NOL11: variants seen among roughly 807,000 people sequenced by gnomAD.
NOL11 encodes nucleolar protein 11.
A neutral mutation model predicts 93.0 loss-of-function variants in NOL11; 42 were observed. The ratio of observed to expected loss-of-function variants is 0.45; its 90% CI spans 0.35 to 0.58. The LOEUF is 0.58. Among genes scored for constraint, NOL11 ranks in the 20% least tolerant of loss-of-function variants. NOL11 has a pLI of 0.00. For synonymous variants in NOL11, 296 were observed against 293.7 expected (o/e 1.01, Z -0.08); for missense variants, 775 against 841.8 (o/e 0.92, Z 0.98).
intron 7 of NOL11, among the ~76,000 whole-genome samples, chr17:67,727,437 A>G (rs1300017824): frequency 6.6e-6 from 1 of 151,948 alleles, no homozygotes; most frequent in Non-Finnish European, 1.5e-5. Flanking sequence ...CTAGGCAGGC[A>G]GATCACCTGA....
At chr17:67,727,598 A>G (rs974182397) in intron 7 of NOL11, among the ~76,000 whole-genome samples, 1 of 152,026 alleles carries the variant, frequency 6.6e-6, no homozygotes, top group Non-Finnish European at 1.5e-5. Context: ...TGGAGGTCGC[A>G]GTGAGCCAAG....
chr17:67,730,517 C>T (rs1237328682), intron 7 of NOL11, among the ~76,000 whole-genome samples: 6 of 152,206 alleles, frequency 3.9e-5, no homozygotes, highest in Non-Finnish European at 8.8e-5. Flanking sequence ...GCCTCAGCCT[C>T]CCGAAGTGCT....
At chr17:67,732,212 G>A (rs1448846430) in intron 7 of NOL11, among the ~76,000 whole-genome samples, 1 of 152,132 alleles carries the variant, frequency 6.6e-6, no homozygotes, top group African/African-American at 2.4e-5. Flanking sequence ...ACCGGGCGCA[G>A]TAATCACACC....
chr17:67,730,206 T>C (rs1241579844), intron 7 of NOL11, among the ~76,000 whole-genome samples: 1 of 152,246 alleles, frequency 6.6e-6, no homozygotes, highest in African/African-American at 2.4e-5. Context: ...AATATCACTA[T>C]GAACATTCGT....
In NOL11 at chr17:67,736,723, G is replaced by C. The variant is rs1221801802; in HGVS notation, c.1112G>C (p.Gly371Ala). The change falls in exon 10 of 18, where the codon GGG (glycine) becomes GCG (alanine). Residue 371 changes from glycine (G) to alanine (A), a missense_variant. By Grantham distance (60) the Gly-to-Ala change is moderately conservative. Coordinates refer to ENST00000253247, the MANE Select transcript of NOL11 (RefSeq NM_015462.5). ...NWETPQGCGL[G>A]FQNSEQSRRI... ...GAGACACCTCAAGGATGTGGACTTGGGTTCCAGAACTCAGAGCAGTCAAGA... is the reference window on the plus strand; with the variant it reads ...GAGACACCTCAAGGATGTGGACTTGCGTTCCAGAACTCAGAGCAGTCAAGA... The C allele has an allele frequency of 1.9e-6, 3 of 1,613,164 alleles. No homozygotes were observed. Among genetic ancestry groups the C allele is most frequent in the Non-Finnish European group, 2.5e-6 (3 of 1,179,534 alleles).
rs2043226008 is a variant in NOL11 at position 67,722,594 on chromosome 17, T to C, written c.476T>C (p.Phe159Ser). The change falls in exon 5 of 18, where the codon TTC (phenylalanine) becomes TCC (serine). Residue 159 changes from phenylalanine to serine, a missense_variant. By Grantham distance (155) the Phe-to-Ser change is radical. Around this residue, in one of 2 missense-constraint regions of NOL11, gnomAD observed 359 missense variants for 316.5 expected, o/e 1.13. Coordinates refer to ENST00000253247, the MANE Select transcript of NOL11 (RefSeq NM_015462.5). ...TTTTTTTGTAGATGGACAAAGTTTT[T>C]CGTAGTATTCAGACATCCTGTTTTA... ...DEEVIKWTKF[F>S]VVFRHPVLIF... 6.3e-7 allele frequency: 1 copy of C among 1,576,278 alleles called. No individual in the cohort carries two copies. The highest frequency in any genetic ancestry group is 1.2e-5 in the South Asian group (1 of 82,082).
intron 1 of NOL11, 156 bp from the exon 2 acceptor site, chr17:67,719,518 C>T: frequency 2.1e-6 from 1 of 478,710 alleles, no homozygotes; most frequent in South Asian, 2.6e-5. Context: ...CTTGACCTCT[C>T]AAAATGCTGG....
rs1200358466 is a variant in NOL11, at chr17:67,738,974, G to A, written c.1806G>A (p.Leu602=). 1.2e-6 allele frequency: 2 copies of A among 1,613,054 alleles called. No homozygotes were observed. The highest frequency in any genetic ancestry group is 1.7e-6 in the Non-Finnish European group (2 of 1,179,320). The change falls in exon 15 of 18, where the codon CTG becomes CTA. Residue 602 remains leucine, a synonymous_variant. Coordinates refer to ENST00000253247, the MANE Select transcript of NOL11 (RefSeq NM_015462.5). ...CAGCATATAGCGAGACATTTCTTCTGCCTCATTTGAAAGACATCCCAGCAC... is the reference window on the plus strand; with the variant it reads ...CAGCATATAGCGAGACATTTCTTCTACCTCATTTGAAAGACATCCCAGCAC... ...LHSAYSETFL[L]PHLKDIPAQH...
intron 5 of NOL11, among the ~76,000 whole-genome samples, chr17:67,723,367 C>T (rs1323641176): frequency 9.4e-5 from 11 of 116,786 alleles, no homozygotes; most frequent in South Asian, 2.8e-4. Context: ...CAGAAGATCT[C>T]TAATTTTTTT....
Position 67,736,670 on chromosome 17 carries a change from T to C in NOL11, c.1059T>C (p.Thr353=). 1 of 1,606,464 alleles carries C rather than the reference T, an allele frequency of 6.2e-7. No individual in the cohort carries two copies. The highest frequency in any genetic ancestry group is 1.3e-5 in the African/African-American group (1 of 74,854). ...GTGCATTTTGCATTTTCTTAGGAAC[T>C]CATGTCGTGTCCCATTTTGTAAACT... ...GKLKHSQDPG[T]HVVSHFVNWE... is the part of the protein sequence containing the mutation. Residue 353 remains threonine (T), a synonymous_variant, in exon 10 of 18, where the codon ACT becomes ACC. Transcript: ENST00000253247.
chr17:67,732,849 C>T (rs2055167108), intron 7 of NOL11, among the ~76,000 whole-genome samples: 1 of 151,616 alleles, frequency 6.6e-6, no homozygotes, highest in Non-Finnish European at 1.5e-5. Flanking sequence ...GCTAGGATTA[C>T]AGGCATGAGC....
chr17:67,736,295 AAC>A (rs1555594042), intron 9 of NOL11, among the ~76,000 whole-genome samples: 3 of 151,432 alleles, frequency 2.0e-5, no homozygotes, highest in Admixed American at 6.6e-5. Context: ...GAAAATGGAA[AAC>A]AAAAAAAAAA....
intron 16 of NOL11, among the ~76,000 whole-genome samples, chr17:67,740,316 A>T (rs1461245560): frequency 6.6e-6 from 1 of 152,006 alleles, no homozygotes; most frequent in Non-Finnish European, 1.5e-5. Flanking sequence ...CCCTCTTTAA[A>T]AATAATACTT....
chr17:67,735,208 G>A (rs2055190047), intron 8 of NOL11, among the ~76,000 whole-genome samples: 1 of 152,108 alleles, frequency 6.6e-6, no homozygotes, highest in African/African-American at 2.4e-5. Flanking sequence ...GCTTAGCAAG[G>A]TGCACAGTAA....
intron 7 of NOL11, among the ~76,000 whole-genome samples, chr17:67,729,030 G>T (rs1443178327): frequency 1.3e-5 from 2 of 151,164 alleles, no homozygotes; most frequent in African/African-American, 4.9e-5. Context: ...CCTTGTAGAA[G>T]AAATTAAAGT....
rs145238348 is a variant in NOL11, at chr17:67,738,302, C to T, written c.1710C>T (p.Asp570=). Residue 570 remains aspartate, a synonymous_variant, in exon 14 of 18, where the codon GAC becomes GAT. Transcript: ENST00000253247. The part of the protein sequence containing the change: ...CDQELNKKPQ[D]ETKESTSCPV... ...AAGAGTTAAATAAAAAGCCCCAGGA[C>T]GAAACAAAGGAGAGCACTTCATGCC... 4.2e-4 allele frequency: 670 copies of T among 1,613,938 alleles called. 2 individuals carry two copies. Among genetic ancestry groups the T allele is most frequent in the African/African-American group, 1.7e-3 (129 of 74,994 alleles).
chr17:67,736,456 C>T (rs887417204), intron 9 of NOL11: 12 of 525,700 alleles, frequency 2.3e-5, no homozygotes, highest in Admixed American at 1.8e-4. Flanking sequence ...CCTTGTTTAC[C>T]GATGGCCTCA....
In NOL11 at chr17:67,735,962, C is replaced by G; in HGVS notation, c.993C>G (p.Tyr331Ter). 6.2e-7 allele frequency: 1 copy of G among 1,611,548 alleles called. No individual in the cohort carries two copies. Residue 331 changes from tyrosine to a stop codon, truncating the protein, a stop_gained, in exon 9 of 18, where the codon TAC (tyrosine) becomes TAG (stop). Coordinates refer to ENST00000253247, the MANE Select transcript of NOL11 (RefSeq NM_015462.5). LOFTEE classifies it high-confidence loss of function. ...LHGKSLTVIP[Y>*]KCEVSSLAGA... The stretch of plus-strand genomic sequence containing the variant: ...GAAAATCTCTAACTGTGATTCCATA[C>G]AAGTGTGAAGTGTCATCATTAGCAG...
chr17:67,736,530 G>T (rs577500127), intron 9 of NOL11, 136 bp from the exon 10 acceptor site: 6 of 601,838 alleles, frequency 1.0e-5, no homozygotes, highest in Admixed American at 6.4e-5. Context: ...CTTATCTGAG[G>T]TTATCAGAAT....
Sources: allele counts gnomAD v4.1 joint callset (sites outside exome capture counted in the v4.1 genomes callset), GRCh38; gene constraint gnomAD v4.1.1; regional missense constraint gnomAD v4.1.1; transcripts MANE v1.5; gene names NCBI Gene and HGNC (gene_info 2026-07-23, HGNC 2026-07-21).